MTDH: variants seen among roughly 807,000 people sequenced by gnomAD.
MTDH encodes the protein protein LYRIC.
A neutral mutation model predicts 72.7 loss-of-function variants in MTDH; 34 were observed. The observed-to-expected ratio is 0.47, with a 90% CI of 0.36 to 0.62. The LOEUF (loss-of-function observed/expected upper bound fraction) is 0.62. MTDH is among the 20% of genes least tolerant of loss of function. The pLI, the probability that MTDH is intolerant of heterozygous loss-of-function variation, is 0.00. For synonymous variants in MTDH, 266 were observed against 268.9 expected, an observed-to-expected ratio of 0.99 and a Z score of 0.10; for missense variants, 677 against 699.4, an observed-to-expected ratio of 0.97 and a Z score of 0.36.
Position 97,723,025 on chromosome 8 carries a change from T to G in MTDH, c.1668T>G (p.Pro556=). 1 of 1,613,650 alleles carries G rather than the reference T, an allele frequency of 6.2e-7. No individual in the cohort carries two copies. Among genetic ancestry groups the G allele is most frequent in the South Asian group, 1.1e-5 (1 of 90,950 alleles). The change falls in exon 11 of 12, where the codon CCT becomes CCG. Residue 556 remains proline (P), a synonymous_variant. Coordinates refer to ENST00000336273, the MANE Select transcript of MTDH (RefSeq NM_178812.4). ...SKSNTKQNSV[P]PSQTKSETSW... is the part of the protein sequence containing the mutation. ...CAAATACCAAGCAAAATAGTGTGCC[T>G]CCTTCACAGAGTAAGTAATCCTCAT...
At chr8:97,684,762 T>G (rs550661087) in intron 2 of MTDH, among the ~76,000 whole-genome samples, 1 of 152,246 alleles carries the variant, frequency 6.6e-6, no homozygotes, top group African/African-American at 2.4e-5. Flanking sequence ...TTACAGAGTT[T>G]CTTTTTGGGG....
intron 6 of MTDH, among the ~76,000 whole-genome samples, chr8:97,692,402 ACT>A (rs1416522467): frequency 6.6e-6 from 1 of 150,434 alleles, no homozygotes; most frequent in Non-Finnish European, 1.5e-5. Flanking sequence ...ATGGAGTCTC[ACT>A]CTGTCGCTGT....
intron 7 of MTDH, among the ~76,000 whole-genome samples, chr8:97,704,550 A>G (rs979553911): frequency 7.2e-5 from 11 of 152,044 alleles, no homozygotes; most frequent in African/African-American, 2.7e-4. Flanking sequence ...TTAAGGCTGC[A>G]GTGAACTATG....
chr8:97,648,368 T>C (rs1442758014), intron 1 of MTDH, among the ~76,000 whole-genome samples: 2 of 152,240 alleles, frequency 1.3e-5, no homozygotes, highest in East Asian at 3.8e-4. Flanking sequence ...CAAGTATTTT[T>C]TCACTTGATT....
chr8:97,647,950 G>GA lies in MTDH; in HGVS notation c.381+3078dup, dbSNP rs59576045. ...CACAGCAAGACTCTGTCTCCTAAAAGAAAAAAAAAAAAAAAGCTTGTAGAT... is the reference window on the plus strand; with the variant it reads ...CACAGCAAGACTCTGTCTCCTAAAAGAAAAAAAAAAAAAAAAGCTTGTAGAT... On this transcript the variant is annotated intron_variant, in intron 1 of 11. Coordinates refer to ENST00000336273, the MANE Select transcript of MTDH (RefSeq NM_178812.4). Among the ~76,000 whole-genome samples, 765 of 115,568 alleles carry GA rather than the reference G, an allele frequency of 6.6e-3. 5 individuals are homozygous for GA. Among genetic ancestry groups the GA allele is most frequent in the Non-Finnish European group, 8.0e-3 (435 of 54,302 alleles). 75.8% of individuals were successfully genotyped at this position (115,568 alleles called of 152,430 possible).
intron 2 of MTDH, among the ~76,000 whole-genome samples, chr8:97,682,686 T>C (rs1752188980): frequency 6.6e-6 from 1 of 152,130 alleles, no homozygotes; most frequent in African/African-American, 2.4e-5. Flanking sequence ...AGATTTTTAG[T>C]TACAAATCCC....
At chr8:97,709,786 T>C (rs541702611) in intron 8 of MTDH, among the ~76,000 whole-genome samples, 1 of 152,324 alleles carries the variant, frequency 6.6e-6, no homozygotes, top group African/African-American at 2.4e-5. Context: ...GAAAATGGGA[T>C]TGGGAAGCGG....
chr8:97,674,480 C>G (rs560704782), intron 2 of MTDH, among the ~76,000 whole-genome samples: 1 of 152,120 alleles, frequency 6.6e-6, no homozygotes, highest in African/African-American at 2.4e-5. Context: ...TTGGATAATC[C>G]ATGCTTTCCC....
chr8:97,660,170 T>TA (rs1282314299), intron 1 of MTDH, among the ~76,000 whole-genome samples: 1 of 151,958 alleles, frequency 6.6e-6, no homozygotes, highest in Non-Finnish European at 1.5e-5. Flanking sequence ...AAAAAAAAGG[T>TA]AAAAAAAGAA....
chr8:97,701,447 A>G (rs1814123910), intron 7 of MTDH, among the ~76,000 whole-genome samples: 1 of 152,256 alleles, frequency 6.6e-6, no homozygotes, highest in African/African-American at 2.4e-5. Context: ...TATTCAGTAC[A>G]GACACAGTTC....
At chr8:97,707,223 C>T (rs1389037672) in intron 8 of MTDH, among the ~76,000 whole-genome samples, 1 of 150,488 alleles carries the variant, frequency 6.6e-6, no homozygotes, top group Non-Finnish European at 1.5e-5. Flanking sequence ...ATGATCTCAG[C>T]TCACTGCAAC....
intron 2 of MTDH, among the ~76,000 whole-genome samples, chr8:97,669,341 T>G (rs1408193199): frequency 6.6e-6 from 1 of 151,584 alleles, no homozygotes; most frequent in Non-Finnish European, 1.5e-5. Context: ...AGAGACGGGG[T>G]TTCACCATGT....
intron 2 of MTDH, among the ~76,000 whole-genome samples, chr8:97,677,996 G>A (rs979130918): frequency 1.3e-5 from 2 of 152,150 alleles, no homozygotes; most frequent in African/African-American, 4.8e-5. Context: ...TCATTCATTA[G>A]CATATACTGT....
intron 2 of MTDH, among the ~76,000 whole-genome samples, chr8:97,678,886 T>C (rs1333305545): frequency 6.6e-6 from 1 of 152,178 alleles, no homozygotes; most frequent in Non-Finnish European, 1.5e-5. Flanking sequence ...TAACAAGATG[T>C]CAGAAAATAG....
chr8:97,644,772 G>A lies in MTDH; in HGVS notation c.266G>A (p.Arg89Gln). ...RKKRRSPPRK[R>Q]EEAAAVPAAA... ...AAGCGGAGGAGCCCGCCCCGCAAGC[G>A]GGAGGAGGCGGCGGCCGTGCCGGCC... is the stretch of plus-strand genomic sequence containing the variant. The change falls in exon 1 of 12, where the codon CGG becomes CAG. Residue 89 changes from arginine to glutamine, a missense_variant. Arg to Gln is a conservative substitution (Grantham distance 43). Transcript: ENST00000336273. The A allele has an allele frequency of 1.9e-6, 3 of 1,551,190 alleles. No individual in the cohort carries two copies. Among genetic ancestry groups the A allele is most frequent in the Non-Finnish European group, 2.6e-6 (3 of 1,158,924 alleles).
chr8:97,685,240 A>G (rs1010297255), intron 2 of MTDH, among the ~76,000 whole-genome samples: 3 of 152,152 alleles, frequency 2.0e-5, no homozygotes, highest in Non-Finnish European at 4.4e-5. Context: ...GCAGTATATT[A>G]ATTATACATA....
At chr8:97,679,125 G>A (rs1157156628) in intron 2 of MTDH, among the ~76,000 whole-genome samples, 1 of 152,232 alleles carries the variant, frequency 6.6e-6, no homozygotes. Context: ...GTGATTTGGG[G>A]GTTGGTTAGT....
At chr8:97,717,743 ATTGT>A (rs751913507) in intron 9 of MTDH, among the ~76,000 whole-genome samples, 27 of 150,674 alleles carry the variant, frequency 1.8e-4, no homozygotes, top group South Asian at 1.3e-3. Context: ...TGTCCCTGAG[ATTGT>A]TTGTTTGTTT....
chr8:97,723,615 C>T (rs1191354067), intron 11 of MTDH, among the ~76,000 whole-genome samples: 3 of 136,426 alleles, frequency 2.2e-5, no homozygotes, highest in East Asian at 2.3e-4. Context: ...TGGTGGCAGG[C>T]ACCTGTAGTC....
Sources: gnomAD v4.1 joint callset for allele counts (sites outside exome capture counted in the v4.1 genomes callset) on GRCh38, gnomAD v4.1.1 for gene constraint, MANE v1.5 for transcripts, NCBI Gene and HGNC (gene_info 2026-07-23, HGNC 2026-07-21) for gene names.